Variants in ZEB2 observed in about 807,000 individuals in gnomAD.
ZEB2 encodes zinc finger E-box-binding homeobox 2.
In ZEB2, 6 loss-of-function variants were observed where a neutral mutation model predicts 99.9. That is an observed-to-expected ratio of 0.06 (90% CI 0.03 to 0.12). The LOEUF (loss-of-function observed/expected upper bound fraction) is 0.12, where lower values mean the gene tolerates loss of function less well. Ranked by LOEUF, ZEB2 falls within the 10% of genes least tolerant of loss-of-function variation. The probability of loss-of-function intolerance (pLI) is 1.00; values close to 1 mark genes in which losing one functional copy is unlikely to be tolerated. For synonymous variants in ZEB2, 517 were observed against 542.5 expected (o/e 0.95, Z 0.65); for missense variants, 969 against 1,502.8 (o/e 0.64, Z 5.87).
At chr2:144,504,102 A>AC (rs1348046243) in intron 2 of ZEB2, 1 of 106,686 alleles carries the variant, frequency 9.4e-6, no homozygotes, top group Non-Finnish European at 2.3e-5. Flanking sequence ...AAACAACAAA[A>AC]AAAACAAACC....
chr2:144,479,038 A>G (rs1704470083), intron 2 of ZEB2, among the ~76,000 whole-genome samples: 2 of 152,254 alleles, frequency 1.3e-5, no homozygotes, highest in Non-Finnish European at 2.9e-5. Flanking sequence ...CATATTAAAG[A>G]TTATTCCAAA....
intron 2 of ZEB2, among the ~76,000 whole-genome samples, chr2:144,460,658 C>T (rs1704180846): frequency 6.6e-6 from 1 of 152,050 alleles, no homozygotes; most frequent in Non-Finnish European, 1.5e-5. Context: ...CTCCATAATC[C>T]TGCTGGTTAT....
intron 2 of ZEB2, among the ~76,000 whole-genome samples, chr2:144,478,587 GC>G (rs1399288250): frequency 1.3e-5 from 2 of 152,186 alleles, no homozygotes; most frequent in Non-Finnish European, 2.9e-5. Flanking sequence ...TTTCAATCCA[GC>G]CCTTTAGGAA....
chr2:144,419,350 C>G (rs1171141430), intron 4 of ZEB2, among the ~76,000 whole-genome samples: 1 of 152,054 alleles, frequency 6.6e-6, no homozygotes, highest in Non-Finnish European at 1.5e-5. Flanking sequence ...TTGGCCTTGC[C>G]CAGTTTCTGG....
At chr2:144,513,730 C>CG in intron 2 of ZEB2, 1 of 1,536,042 alleles carries the variant, frequency 6.5e-7, no homozygotes, top group Non-Finnish European at 8.7e-7. Flanking sequence ...AAGTTACAAA[C>CG]GGGCCGCACC....
At chr2:144,457,821 A>T (rs1704141127) in intron 2 of ZEB2, among the ~76,000 whole-genome samples, 1 of 152,160 alleles carries the variant, frequency 6.6e-6, no homozygotes, top group South Asian at 2.1e-4. Context: ...ATTCAAATGG[A>T]TTCTACAAAT....
intron 2 of ZEB2, chr2:144,511,330 G>T: frequency 1.8e-6 from 2 of 1,100,726 alleles, no homozygotes; most frequent in South Asian, 3.8e-5. Context: ...CTCCTCAGAG[G>T]AAACACAAGA....
chr2:144,411,121 T>C lies in ZEB2; in HGVS notation c.404-6097A>G, dbSNP rs865795680. On this transcript the variant is annotated intron_variant, in intron 4 of 9. Transcript: ENST00000627532. ...TATATGTATAATAGGGCATCTCATA[T>C]ATACACACACACACACACACACACA... Among the ~76,000 whole-genome samples the C allele has an allele frequency of 6.4e-3, 681 of 106,628 alleles. 27 individuals carry two copies. The highest frequency in any genetic ancestry group is 0.018 in the Admixed American group (179 of 9,822). 70.0% of individuals were successfully genotyped at this position (106,628 alleles called of 152,430 possible). A position where few individuals can be genotyped will look rare whatever the true frequency, so the allele number is the denominator to read the frequency against.
chr2:144,389,406 A>C lies in ZEB2; in HGVS notation c.*45T>G, dbSNP rs774259900. 42 of 1,604,638 alleles carry C rather than the reference A, an allele frequency of 2.6e-5. No individual in the cohort carries two copies. The highest frequency in any genetic ancestry group is 3.3e-5 in the Admixed American group (2 of 59,994). On this transcript the variant is annotated 3_prime_UTR_variant, in exon 10 of 10. Coordinates refer to ENST00000627532, the MANE Select transcript of ZEB2 (RefSeq NM_014795.4). The surrounding 1 kb of genome is among the most constrained non-coding windows in gnomAD (Gnocchi z 6.8). Reference sequence around the variant, plus strand: ...CAGCAGTGTTTTCAAGCAGGTAACAATACTACTGGAAAAAAAAATAGGAAG... The same window carrying C: ...CAGCAGTGTTTTCAAGCAGGTAACACTACTACTGGAAAAAAAAATAGGAAG...
chr2:144,429,675 A>C, intron 3 of ZEB2, 94 bp downstream of exon 3: 1 of 1,590,158 alleles, frequency 6.3e-7, no homozygotes, highest in Middle Eastern at 1.7e-4. Flanking sequence ...GAAATATTTT[A>C]ATTATTTGGT....
intron 2 of ZEB2, chr2:144,461,558 A>G (rs963178755): frequency 1.3e-5 from 2 of 152,178 alleles, no homozygotes; most frequent in African/African-American, 4.8e-5. Context: ...TACCGCAACA[A>G]TTGCAACTGT....
chr2:144,447,436 T>A (rs1703999966), intron 2 of ZEB2, among the ~76,000 whole-genome samples: 1 of 152,220 alleles, frequency 6.6e-6, no homozygotes, highest in Non-Finnish European at 1.5e-5. Context: ...TAGATTTTGT[T>A]GAGGGCCTAC....
chr2:144,489,893 C>T (rs1005776901), intron 2 of ZEB2, among the ~76,000 whole-genome samples: 1 of 152,212 alleles, frequency 6.6e-6, no homozygotes, highest in Admixed American at 6.5e-5. Context: ...GGACTGATGG[C>T]AACAGTGGAC....
At chr2:144,485,058 G>A (rs75911732) in intron 2 of ZEB2, among the ~76,000 whole-genome samples, 1 of 152,122 alleles carries the variant, frequency 6.6e-6, no homozygotes, top group Admixed American at 6.5e-5. Flanking sequence ...TATGGATCTT[G>A]GGGCCACAAT....
At chr2:144,424,672 T>A (rs879358850) in intron 4 of ZEB2, 124 bp downstream of exon 4, 18 of 1,167,018 alleles carry the variant, frequency 1.5e-5, no homozygotes, top group Admixed American at 7.4e-5. Flanking sequence ...ACCAGAGACC[T>A]GTAAAGTTGA....
chr2:144,502,779 A>T lies in ZEB2; in HGVS notation c.73+14499T>A, dbSNP rs376131857. ...TGGAACAGGGATTTTCATAACAATT[A>T]TTTTGTTTTTAAGTCTCAATCTTAA... On this transcript the variant is annotated intron_variant, in intron 2 of 9. Transcript: ENST00000627532. Among the ~76,000 whole-genome samples, 6 of 151,884 alleles carry T rather than the reference A, an allele frequency of 4.0e-5. No homozygotes were observed. In the East Asian group the frequency reaches 9.7e-4, roughly 24 times the overall value.
At chr2:144,409,906 A>T (rs1201740842) in intron 4 of ZEB2, among the ~76,000 whole-genome samples, 1 of 150,986 alleles carries the variant, frequency 6.6e-6, no homozygotes, top group Non-Finnish European at 1.5e-5. Context: ...ACCAAAAAAA[A>T]GTTGTTGTTT....
chr2:144,421,834 C>A (rs1703622654), intron 4 of ZEB2, among the ~76,000 whole-genome samples: 1 of 152,078 alleles, frequency 6.6e-6, no homozygotes, highest in African/African-American at 2.4e-5. Context: ...CTATCTCCAG[C>A]CCTGACTTCT....
chr2:144,491,130 C>T (rs1340722851), intron 2 of ZEB2, among the ~76,000 whole-genome samples: 1 of 152,238 alleles, frequency 6.6e-6, no homozygotes, highest in Non-Finnish European at 1.5e-5. Flanking sequence ...GCCTCTGGCC[C>T]TTCTGTGGAA....
Sources: allele counts gnomAD v4.1 joint callset (sites outside exome capture counted in the v4.1 genomes callset), GRCh38; gene constraint gnomAD v4.1.1; non-coding constraint Gnocchi (gnomAD v3.1); transcripts MANE v1.5; gene names NCBI Gene and HGNC (gene_info 2026-07-23, HGNC 2026-07-21).